Variants in UBTD1 observed in about 807,000 individuals in gnomAD.
UBTD1 encodes ubiquitin domain containing 1.
UBTD1 carries 19 observed loss-of-function variants against 21.7 expected under a neutral mutation model. That is an observed-to-expected ratio of 0.87 (90% CI 0.61 to 1.28). The LOEUF (loss-of-function observed/expected upper bound fraction) is 1.28. Among genes scored for constraint, UBTD1 ranks in the 50% most tolerant of loss-of-function variants. UBTD1 has a pLI of 0.00. For missense variants in UBTD1, 282 were observed against 315.1 expected, an observed-to-expected ratio of 0.89 and a Z score of 0.80; for synonymous variants, 116 against 135.1, an observed-to-expected ratio of 0.86 and a Z score of 0.98.
At chr10:97,529,364 C>T (rs1356219475) in intron 1 of UBTD1, among the ~76,000 whole-genome samples, 11 of 152,212 alleles carry the variant, frequency 7.2e-5, no homozygotes, top group Non-Finnish European at 1.5e-4. Context: ...GACGGGGTAG[C>T]GGCTGGGCAG....
chr10:97,537,296 C>T (rs909535866), intron 1 of UBTD1, among the ~76,000 whole-genome samples: 21 of 152,160 alleles, frequency 1.4e-4, no homozygotes, highest in African/African-American at 4.8e-4. Context: ...CCAGCCCCAC[C>T]TCCAGCTGTC....
At chr10:97,521,082 C>T (rs1003173620) in intron 1 of UBTD1, among the ~76,000 whole-genome samples, 5 of 152,214 alleles carry the variant, frequency 3.3e-5, no homozygotes, top group African/African-American at 1.2e-4. Context: ...GGCCTGCCAG[C>T]TCCCATCTCG....
At chr10:97,527,949 A>G (rs1301132719) in intron 1 of UBTD1, among the ~76,000 whole-genome samples, 1 of 152,060 alleles carries the variant, frequency 6.6e-6, no homozygotes, top group Non-Finnish European at 1.5e-5. Flanking sequence ...GCCCGTTCTC[A>G]ATGAGCTGCT....
chr10:97,537,877 A>G (rs1308951446), intron 1 of UBTD1, among the ~76,000 whole-genome samples: 4 of 146,988 alleles, frequency 2.7e-5, no homozygotes, highest in Non-Finnish European at 5.9e-5. Flanking sequence ...CCAGGCTGGA[A>G]TGAAGTGGTA....
intron 1 of UBTD1, among the ~76,000 whole-genome samples, chr10:97,535,993 A>ATTATTATTATTATTATTATTATTG (rs2040559397): frequency 6.8e-6 from 1 of 147,794 alleles, no homozygotes; most frequent in South Asian, 2.1e-4. Context: ...TATTATTATT[A>ATTATTATTATTATTATTATTATTG]TTATTATTAT....
chr10:97,503,857 T>A (rs917078192), intron 1 of UBTD1, among the ~76,000 whole-genome samples: 7 of 152,088 alleles, frequency 4.6e-5, no homozygotes, highest in Non-Finnish European at 1.0e-4. Context: ...TGCTGGTGAC[T>A]CCTCCCACAT....
intron 1 of UBTD1, among the ~76,000 whole-genome samples, chr10:97,552,392 C>A (rs1564743053): frequency 2.3e-5 from 1 of 42,850 alleles, no homozygotes; most frequent in African/African-American, 4.9e-5. Context: ...AATTATACAC[C>A]CTTTTTTTTT....
intron 1 of UBTD1, among the ~76,000 whole-genome samples, chr10:97,506,028 A>C (rs564804775): frequency 5.3e-4 from 81 of 152,302 alleles, no homozygotes; most frequent in African/African-American, 1.9e-3. Flanking sequence ...GTTTGGGACT[A>C]GGGGTTGTTG....
intron 1 of UBTD1, among the ~76,000 whole-genome samples, chr10:97,524,302 T>C (rs1418539543): frequency 6.6e-6 from 1 of 152,040 alleles, no homozygotes; most frequent in Non-Finnish European, 1.5e-5. Flanking sequence ...GGTCTCACTA[T>C]GTTGCCCAGA....
chr10:97,547,801 T>C (rs550053509), intron 1 of UBTD1, among the ~76,000 whole-genome samples: 1 of 152,256 alleles, frequency 6.6e-6, no homozygotes, highest in South Asian at 2.1e-4. Flanking sequence ...CTGACCTCAG[T>C]TGATCCACCT....
At chr10:97,546,561 C>T (rs1331803912) in intron 1 of UBTD1, among the ~76,000 whole-genome samples, 1 of 139,244 alleles carries the variant, frequency 7.2e-6, no homozygotes, top group African/African-American at 2.7e-5. Flanking sequence ...GCGCTCCAGC[C>T]TGGGTGACCG....
rs558655536 is a variant in UBTD1, at chr10:97,570,968, G to A, written c.*445G>A. On this transcript the variant is annotated 3_prime_UTR_variant, in exon 3 of 3. Transcript: ENST00000370664. This position sits in a 1 kb window ranked among gnomAD's most constrained non-coding sequence, Gnocchi z 6.6. ...TCCCTTGGAAGGGAGGGAACCACCC[G>A]TGAGCCCCAGGGCTTGGGAAGCCTG... is the stretch of plus-strand genomic sequence containing the variant. The A allele has an allele frequency of 4.3e-4, 71 of 164,130 alleles. 1 individual carries two copies. Among genetic ancestry groups the A allele is most frequent in the African/African-American group, 9.8e-4 (41 of 41,910 alleles). 10.2% of individuals were successfully genotyped at this position (164,130 alleles called of 1,614,324 possible). A position where few individuals can be genotyped will look rare whatever the true frequency, so the allele number is the denominator to read the frequency against.
Position 97,570,113 on chromosome 10 carries a change from T to G in UBTD1, c.299-25T>G. On this transcript the variant is annotated intron_variant, in intron 2 of 2. Transcript: ENST00000370664. The surrounding 1 kb of genome is among the most constrained non-coding windows in gnomAD (Gnocchi z 6.6). ...CATGATAGTGGATCCCCAAGCTGACTCTGACAGCCCTGCCTCTCCTACAGG... is the reference window on the plus strand; with the variant it reads ...CATGATAGTGGATCCCCAAGCTGACGCTGACAGCCCTGCCTCTCCTACAGG... 6.3e-7 allele frequency: 1 copy of G among 1,579,580 alleles called. No homozygotes were observed. Among genetic ancestry groups the G allele is most frequent in the Non-Finnish European group, 8.6e-7 (1 of 1,158,834 alleles).
intron 1 of UBTD1, among the ~76,000 whole-genome samples, chr10:97,556,168 A>G (rs1183399795): frequency 6.6e-6 from 1 of 152,188 alleles, no homozygotes; most frequent in East Asian, 1.9e-4. Context: ...TACTCTTATT[A>G]TAAGAGTTTT....
At chr10:97,553,250 G>A (rs1009085859) in intron 1 of UBTD1, among the ~76,000 whole-genome samples, 1 of 152,196 alleles carries the variant, frequency 6.6e-6, no homozygotes, top group African/African-American at 2.4e-5. Flanking sequence ...TCCTGCCTCA[G>A]CCTCCTGAGT....
At chr10:97,544,911 CCTTGT>C (rs1421333921) in intron 1 of UBTD1, among the ~76,000 whole-genome samples, 3 of 151,766 alleles carry the variant, frequency 2.0e-5, no homozygotes, top group African/African-American at 7.3e-5. Flanking sequence ...AAATCTTTGT[CCTTGT>C]CTTCATGTTG....
chr10:97,561,911 G>A (rs1003812424), intron 1 of UBTD1, among the ~76,000 whole-genome samples: 2 of 152,104 alleles, frequency 1.3e-5, no homozygotes, highest in Non-Finnish European at 2.9e-5. Flanking sequence ...TCTCTTTCTG[G>A]ACTCTCTGTT....
intron 1 of UBTD1, among the ~76,000 whole-genome samples, chr10:97,499,860 G>A (rs946977784): frequency 6.6e-6 from 1 of 152,194 alleles, no homozygotes; most frequent in African/African-American, 2.4e-5. Context: ...CGGGGTGAGA[G>A]TCACCCTTGG....
At chr10:97,537,653 A>T (rs1262685884) in intron 1 of UBTD1, among the ~76,000 whole-genome samples, 1 of 151,970 alleles carries the variant, frequency 6.6e-6, no homozygotes, top group Non-Finnish European at 1.5e-5. Flanking sequence ...GCTTGCTCCC[A>T]CCTGGGCCCT....
Sources: allele counts gnomAD v4.1 joint callset (sites outside exome capture counted in the v4.1 genomes callset), GRCh38; gene constraint gnomAD v4.1.1; non-coding constraint Gnocchi (gnomAD v3.1); transcripts MANE v1.5; gene names NCBI Gene and HGNC (gene_info 2026-07-23, HGNC 2026-07-21).